IPPK: variants seen among roughly 807,000 people sequenced by gnomAD.
IPPK encodes inositol-pentakisphosphate 2-kinase.
IPPK carries 22 observed loss-of-function variants against 64.6 expected under a neutral mutation model. That is an observed-to-expected ratio of 0.34 (90% CI 0.24 to 0.49). The LOEUF is 0.49. Ranked by LOEUF, IPPK falls within the 20% of genes least tolerant of loss-of-function variation. The probability of loss-of-function intolerance (pLI) is 0.99; values close to 1 mark genes in which losing one functional copy is unlikely to be tolerated. For synonymous variants in IPPK, 262 were observed against 247.2 expected (o/e 1.06, Z -0.56); for missense variants, 532 against 630.7 (o/e 0.84, Z 1.68).
chr9:92,648,218 C>T (rs184611715), intron 5 of IPPK, 70 bp from the exon 6 acceptor site: 106 of 1,143,970 alleles, frequency 9.3e-5, no homozygotes, highest in Middle Eastern at 5.8e-4. Flanking sequence ...AGACATATCA[C>T]TGACTACAAG....
chr9:92,628,887 AAAC>A (rs1401713861), intron 11 of IPPK, among the ~76,000 whole-genome samples: 1 of 152,068 alleles, frequency 6.6e-6, no homozygotes, highest in Non-Finnish European at 1.5e-5. Context: ...CTCAAAAAAA[AAAC>A]AAAAAAATGG....
At chr9:92,666,701 C>G (rs1852605094) in intron 1 of IPPK, among the ~76,000 whole-genome samples, 1 of 152,228 alleles carries the variant, frequency 6.6e-6, no homozygotes, top group Non-Finnish European at 1.5e-5. Context: ...TGCAAACTGA[C>G]AGGCAAAATG....
At chr9:92,619,959 T>A in intron 11 of IPPK, 1 of 241,702 alleles carries the variant, frequency 4.1e-6, no homozygotes, top group Non-Finnish European at 8.6e-6. Flanking sequence ...ACTCGACACC[T>A]GCAAGGAGAG....
Position 92,617,994 on chromosome 9 carries a change from A to C in IPPK, c.1250+1492T>G, listed in dbSNP as rs560762502. ...AGCTGCAAATTAGTCTAGGGATCTA[A>C]ATTTAGTCTCAGGTCTACCAGGTAT... On this transcript the variant is annotated intron_variant, in intron 12 of 12. Transcript: ENST00000287996. 8.2e-5 allele frequency: 28 copies of C among 342,358 alleles called. No homozygotes were observed. The East Asian group carries it at 2.1e-3, about 26-fold the overall frequency. The allele number at this position is 342,358 out of a possible 1,614,324, so 21.2% of individuals were successfully genotyped here. A position where few individuals can be genotyped will look rare whatever the true frequency, so the allele number is the denominator to read the frequency against.
At position 92,616,222 on chromosome 9, in the gene IPPK, T is replaced by C. The variant is rs115375042; in HGVS notation, c.1251-165A>G. On this transcript the variant is annotated intron_variant, in intron 12 of 12. Coordinates refer to ENST00000287996, the MANE Select transcript of IPPK (RefSeq NM_022755.6). ...TCTTTTAAAAGAGAAGTGAATGGCC[T>C]CACACCCCAGCTCACAAAGAGCACT... is the stretch of plus-strand genomic sequence containing the variant. 2,089 of 577,470 alleles carry C rather than the reference T, an allele frequency of 3.6e-3. 23 individuals are homozygous for C. The highest frequency in any genetic ancestry group is 0.024 in the African/African-American group (1,272 of 53,446). The allele number at this position is 577,470 out of a possible 1,614,324, so 35.8% of individuals were successfully genotyped here. A position where few individuals can be genotyped will look rare whatever the true frequency, so the allele number is the denominator to read the frequency against.
Position 92,649,571 on chromosome 9 carries a change from G to C in IPPK, c.296C>G (p.Ser99Cys). 1 of 1,613,990 alleles carries C rather than the reference G, an allele frequency of 6.2e-7. No individual in the cohort carries two copies. The highest frequency in any genetic ancestry group is 8.5e-7 in the Non-Finnish European group (1 of 1,179,958). ...CLKIQSERPESRCDKDLDTLS... is the reference protein window; with the variant it reads ...CLKIQSERPECRCDKDLDTLS... ...AGTATCCAGGTCCTTGTCACAGCGAGACTCTGGAAAACAGAGCAAGGGTCA... is the reference window on the plus strand; with the variant it reads ...AGTATCCAGGTCCTTGTCACAGCGACACTCTGGAAAACAGAGCAAGGGTCA... The change falls in exon 5 of 13, where the codon TCT becomes TGT. Residue 99 changes from serine to cysteine, a missense_variant. Physicochemically the swap from Ser to Cys is moderately radical, Grantham distance 112. Coordinates refer to ENST00000287996, the MANE Select transcript of IPPK (RefSeq NM_022755.6).
chr9:92,621,040 C>T (rs1851612364), intron 11 of IPPK, among the ~76,000 whole-genome samples: 1 of 152,236 alleles, frequency 6.6e-6, no homozygotes, highest in African/African-American at 2.4e-5. Context: ...TTATCCACAG[C>T]CCTCTTTTCA....
intron 1 of IPPK, among the ~76,000 whole-genome samples, chr9:92,666,390 A>G (rs1453384276): frequency 6.6e-6 from 1 of 152,184 alleles, no homozygotes; most frequent in Non-Finnish European, 1.5e-5. Flanking sequence ...CAGGAGAGAA[A>G]TCCTGCGGCA....
chr9:92,657,816 C>T (rs1321205141), intron 2 of IPPK, among the ~76,000 whole-genome samples: 1 of 152,070 alleles, frequency 6.6e-6, no homozygotes, highest in Non-Finnish European at 1.5e-5. Context: ...CGGCAGCTGT[C>T]ACCTCCACCC....
intron 8 of IPPK, 121 bp downstream of exon 8, chr9:92,640,589 C>T: frequency 1.3e-6 from 1 of 751,258 alleles, no homozygotes; most frequent in Non-Finnish European, 2.4e-6. Context: ...GGCATGAGGA[C>T]CCCAAAGGGG....
chr9:92,648,802 GA>G, intron 5 of IPPK, among the ~76,000 whole-genome samples: 1 of 152,300 alleles, frequency 6.6e-6, no homozygotes, highest in Middle Eastern at 3.4e-3. Flanking sequence ...GCAGCTTCCT[GA>G]GGGACCCTGA....
intron 6 of IPPK, among the ~76,000 whole-genome samples, chr9:92,643,031 AT>A (rs1852082590): frequency 6.6e-6 from 1 of 152,238 alleles, no homozygotes; most frequent in Non-Finnish European, 1.5e-5. Context: ...GTGAGACATG[AT>A]GTGGCGTGGC....
chr9:92,644,306 C>G (rs1003432935), intron 6 of IPPK, among the ~76,000 whole-genome samples: 1 of 152,186 alleles, frequency 6.6e-6, no homozygotes, highest in Admixed American at 6.5e-5. Flanking sequence ...CTTGTTGGCA[C>G]TTTAAATGCC....
In IPPK at chr9:92,635,102, C is replaced by A; in HGVS notation, c.1067+56G>T. On this transcript the variant is annotated intron_variant, in intron 10 of 12. Transcript: ENST00000287996. The surrounding 1 kb of genome is among the most constrained non-coding windows in gnomAD (Gnocchi z 4.4). Reference sequence around the variant, plus strand: ...CCTTGGGAGGCGCATTCTTACCCTGCCCACTCCCACAGTCTCCTCTCAGGG... The same window carrying A: ...CCTTGGGAGGCGCATTCTTACCCTGACCACTCCCACAGTCTCCTCTCAGGG... 6.6e-7 allele frequency: 1 copy of A among 1,514,456 alleles called. No homozygotes were observed. Among genetic ancestry groups the A allele is most frequent in the Non-Finnish European group, 8.9e-7 (1 of 1,118,288 alleles). The allele number at this position is 1,514,456 out of a possible 1,614,324, so 93.8% of individuals were successfully genotyped here.
chr9:92,613,484 G>A lies in IPPK; in HGVS notation c.*2348C>T, dbSNP rs1010912624. On this transcript the variant is annotated 3_prime_UTR_variant, in exon 13 of 13. Transcript: ENST00000287996. Reference sequence around the variant, plus strand: ...CTCACACCGAGTCCACCTTGGACATGGTGGCCACATTACTCAGCTGGGAGA... The same window carrying A: ...CTCACACCGAGTCCACCTTGGACATAGTGGCCACATTACTCAGCTGGGAGA... 1 of 280,278 alleles carries A rather than the reference G, an allele frequency of 3.6e-6. No homozygotes were observed. Among genetic ancestry groups the A allele is most frequent in the Non-Finnish European group, 7.0e-6 (1 of 142,862 alleles). 17.4% of individuals were successfully genotyped at this position (280,278 alleles called of 1,614,324 possible). A position where few individuals can be genotyped will look rare whatever the true frequency, so the allele number is the denominator to read the frequency against.
intron 6 of IPPK, 90 bp downstream of exon 6, chr9:92,647,969 T>C (rs1470007045): frequency 1.3e-6 from 1 of 758,180 alleles, no homozygotes. Context: ...ATATTTTCTT[T>C]TACTCTTCTG....
At chr9:92,640,248 C>T (rs912140475) in intron 8 of IPPK, among the ~76,000 whole-genome samples, 1 of 152,136 alleles carries the variant, frequency 6.6e-6, no homozygotes, top group Non-Finnish European at 1.5e-5. Flanking sequence ...CATCTCATCC[C>T]CTCTCTCCCC....
chr9:92,625,203 A>G (rs1408598327), intron 11 of IPPK, among the ~76,000 whole-genome samples: 1 of 152,248 alleles, frequency 6.6e-6, no homozygotes, highest in Non-Finnish European at 1.5e-5. Context: ...TTAATGAAGC[A>G]AAAGTTTAGA....
intron 11 of IPPK, among the ~76,000 whole-genome samples, chr9:92,631,180 G>A (rs1209131846): frequency 2.0e-5 from 3 of 151,362 alleles, no homozygotes; most frequent in East Asian, 2.0e-4. Context: ...TTTCTTCAGC[G>A]GTACACAGTT....
Sources: gnomAD v4.1 joint callset for allele counts (sites outside exome capture counted in the v4.1 genomes callset) on GRCh38, gnomAD v4.1.1 for gene constraint, Gnocchi (gnomAD v3.1) non-coding constraint, MANE v1.5 for transcripts, NCBI Gene and HGNC (gene_info 2026-07-23, HGNC 2026-07-21) for gene names.